Variants in GPR158 observed in about 807,000 individuals in gnomAD.
The protein encoded by GPR158 is G protein-coupled receptor 158.
Under a neutral mutation model 78.2 loss-of-function variants are expected in GPR158, and 30 were observed. The ratio of observed to expected loss-of-function variants is 0.38; its 90% CI spans 0.29 to 0.52. GPR158 has a LOEUF of 0.52. GPR158 is among the 20% of genes least tolerant of loss of function. The pLI, the probability that GPR158 is intolerant of heterozygous loss-of-function variation, is 0.83. For synonymous variants in GPR158, 581 were observed against 591.1 expected, an observed-to-expected ratio of 0.98 and a Z score of 0.25; for missense variants, 1,463 against 1,523.5, an observed-to-expected ratio of 0.96 and a Z score of 0.66.
chr10:25,507,008 T>C (rs1413890767), intron 5 of GPR158, among the ~76,000 whole-genome samples: 1 of 152,232 alleles, frequency 6.6e-6, no homozygotes, highest in Non-Finnish European at 1.5e-5. Context: ...AAACTCTTAA[T>C]AGTTTAGAAC....
In GPR158 at chr10:25,597,889, A is replaced by C; in HGVS notation, c.2263A>C (p.Met755Leu). ...GAAGAAGGGCCTAGGTCGTTCCATC[A>C]TGAGACGCATTACGGAGATCCCAGA... is the stretch of plus-strand genomic sequence containing the variant. ...CSKKGLGRSI[M>L]RRITEIPETV... Residue 755 changes from methionine (M) to leucine (L), a missense_variant, in exon 11 of 11, where the codon ATG becomes CTG. Transcript: ENST00000376351. The C allele has an allele frequency of 3.1e-6, 5 of 1,605,776 alleles. No homozygotes were observed. The highest frequency in any genetic ancestry group is 3.4e-6 in the Non-Finnish European group (4 of 1,176,558).
intron 2 of GPR158, among the ~76,000 whole-genome samples, chr10:25,315,637 G>T (rs1854836230): frequency 6.6e-6 from 1 of 151,708 alleles, no homozygotes; most frequent in Admixed American, 6.6e-5. Flanking sequence ...ATAATTCTAT[G>T]TGTTTTATAA....
At chr10:25,296,559 T>G (rs79728393) in intron 2 of GPR158, among the ~76,000 whole-genome samples, 5,553 of 152,148 alleles carry the variant, frequency 0.036, 339 homozygotes, top group African/African-American at 0.13. Context: ...AATGAAGAGG[T>G]TAGGGGTTTT....
intron 2 of GPR158, among the ~76,000 whole-genome samples, chr10:25,367,860 T>C (rs1435787071): frequency 1.3e-5 from 2 of 151,732 alleles, no homozygotes; most frequent in Non-Finnish European, 2.9e-5. Context: ...CTCTTCTGTA[T>C]ATGTTTGCAG....
chr10:25,192,256 C>G (rs1333706149), intron 1 of GPR158, among the ~76,000 whole-genome samples: 1 of 152,176 alleles, frequency 6.6e-6, no homozygotes, highest in Non-Finnish European at 1.5e-5. Flanking sequence ...AAGAAGGTGC[C>G]TTGCTTCTCC....
intron 4 of GPR158, among the ~76,000 whole-genome samples, chr10:25,428,407 A>C (rs1299630245): frequency 1.3e-5 from 2 of 152,028 alleles, no homozygotes; most frequent in South Asian, 2.1e-4. Flanking sequence ...ATATAAAAAG[A>C]TTAGCTGGCA....
chr10:25,391,478 G>A (rs951575258), intron 2 of GPR158, among the ~76,000 whole-genome samples: 2 of 124,616 alleles, frequency 1.6e-5, no homozygotes, highest in Admixed American at 7.9e-5. Context: ...TGTGAGACAT[G>A]CAGTTAAAGG....
chr10:25,440,618 T>G (rs1186992002), intron 4 of GPR158, among the ~76,000 whole-genome samples: 1 of 152,220 alleles, frequency 6.6e-6, no homozygotes, highest in Non-Finnish European at 1.5e-5. Flanking sequence ...TCTCTGAGAC[T>G]AAATAATCTC....
At chr10:25,305,864 G>A (rs558947) in intron 2 of GPR158, among the ~76,000 whole-genome samples, 57,329 of 152,044 alleles carry the variant, frequency 0.38, 13,304 homozygotes, top group Non-Finnish European at 0.53. Context: ...AGTAGAAGAG[G>A]TATTTTAGGA....
chr10:25,206,897 G>T (rs745697671), intron 1 of GPR158, among the ~76,000 whole-genome samples: 1 of 149,978 alleles, frequency 6.7e-6, no homozygotes, highest in Non-Finnish European at 1.5e-5. Flanking sequence ...TATGGATGCT[G>T]CCAGAAGACG....
chr10:25,354,608 G>A (rs1382944943), intron 2 of GPR158, among the ~76,000 whole-genome samples: 4 of 152,064 alleles, frequency 2.6e-5, no homozygotes, highest in Admixed American at 1.3e-4. Flanking sequence ...TACAATTCCA[G>A]TGTTAGAGTA....
rs188052791 is a variant in GPR158, at chr10:25,190,066, T to G, written c.902+13744T>G. Reference sequence around the variant, plus strand: ...AGCAGTTTTATAGTTCTGATGAAACTGAACTATTTTTCCCTAGTAAGTAGT... The same window carrying G: ...AGCAGTTTTATAGTTCTGATGAAACGGAACTATTTTTCCCTAGTAAGTAGT... On this transcript the variant is annotated intron_variant, in intron 1 of 10. Coordinates refer to ENST00000376351, the MANE Select transcript of GPR158 (RefSeq NM_020752.3). Among the ~76,000 whole-genome samples, 11 of 152,292 alleles carry G rather than the reference T, an allele frequency of 7.2e-5. No individual in the cohort carries two copies. In the East Asian group the frequency reaches 2.1e-3, roughly 29 times the overall value.
At chr10:25,390,394 G>A (rs187886458) in intron 2 of GPR158, among the ~76,000 whole-genome samples, 1 of 152,332 alleles carries the variant, frequency 6.6e-6, no homozygotes, top group Admixed American at 6.5e-5. Context: ...TAGTGATATA[G>A]ATGATGAAGT....
At chr10:25,314,790 C>T (rs1038650844) in intron 2 of GPR158, among the ~76,000 whole-genome samples, 1 of 143,840 alleles carries the variant, frequency 7.0e-6, no homozygotes, top group Non-Finnish European at 1.5e-5. Flanking sequence ...TATATATGCA[C>T]ACACACAGTG....
intron 1 of GPR158, among the ~76,000 whole-genome samples, chr10:25,220,187 A>G (rs1853279835): frequency 6.6e-6 from 1 of 152,216 alleles, no homozygotes; most frequent in African/African-American, 2.4e-5. Context: ...AGGGCCCAGG[A>G]TGCAGAATAC....
intron 2 of GPR158, among the ~76,000 whole-genome samples, chr10:25,390,781 T>C (rs1183356016): frequency 6.6e-6 from 1 of 152,178 alleles, no homozygotes; most frequent in African/African-American, 2.4e-5. Context: ...GAAATTTACA[T>C]AAGTAACAAG....
At chr10:25,270,233 A>G (rs1004404045) in intron 2 of GPR158, among the ~76,000 whole-genome samples, 1 of 152,210 alleles carries the variant, frequency 6.6e-6, no homozygotes, top group Non-Finnish European at 1.5e-5. Flanking sequence ...ATTTAAAACC[A>G]TATGAGCCTT....
At chr10:25,475,041 G>A (rs1835563895) in intron 5 of GPR158, among the ~76,000 whole-genome samples, 3 of 152,106 alleles carry the variant, frequency 2.0e-5, no homozygotes, top group Admixed American at 2.0e-4. Context: ...GAATTGTAAA[G>A]CTTCTGAAAT....
At position 25,176,315 on chromosome 10, in the gene GPR158, G is replaced by A; in HGVS notation, c.895G>A (p.Glu299Lys). ...IYGLQPNLVP[E>K]FRGVMKVDIN... Reference sequence around the variant, plus strand: ...CGGGTTGCAGCCTAACCTGGTCCCGGAATTCAGGTAGGGAGGGCCGGGGGG... The same window carrying A: ...CGGGTTGCAGCCTAACCTGGTCCCGAAATTCAGGTAGGGAGGGCCGGGGGG... Residue 299 changes from glutamate to lysine, a missense_variant, in exon 1 of 11, where the codon GAA becomes AAA. Physicochemically the swap from Glu to Lys is moderately conservative, Grantham distance 56. Transcript: ENST00000376351. The surrounding 1 kb of genome is among the most constrained non-coding windows in gnomAD (Gnocchi z 6.3). 6.3e-7 allele frequency: 1 copy of A among 1,576,396 alleles called. No homozygotes were observed. The highest frequency in any genetic ancestry group is 8.6e-7 in the Non-Finnish European group (1 of 1,161,462).
Sources: allele counts gnomAD v4.1 joint callset (sites outside exome capture counted in the v4.1 genomes callset), GRCh38; gene constraint gnomAD v4.1.1; non-coding constraint Gnocchi (gnomAD v3.1); transcripts MANE v1.5; gene names NCBI Gene and HGNC (gene_info 2026-07-23, HGNC 2026-07-21).